ADAMTS6: variants seen among roughly 807,000 people sequenced by gnomAD.
ADAMTS6 encodes the protein A disintegrin and metalloproteinase with thrombospondin motifs 6.
A neutral mutation model predicts 144.3 loss-of-function variants in ADAMTS6; 23 were observed. The ratio of observed to expected loss-of-function variants is 0.16; its 90% confidence interval spans 0.11 to 0.23. ADAMTS6 has a LOEUF of 0.23. Ranked by LOEUF, ADAMTS6 falls within the 10% of genes least tolerant of loss-of-function variation. The pLI is 1.00. For synonymous variants in ADAMTS6, 444 were observed against 457.5 expected (o/e 0.97, Z 0.38); for missense variants, 999 against 1,379.6 (o/e 0.72, Z 4.37).
intron 9 of ADAMTS6, among the ~76,000 whole-genome samples, chr5:65,310,855 C>T (rs536703805): frequency 6.6e-6 from 1 of 152,254 alleles, no homozygotes; most frequent in South Asian, 2.1e-4. Flanking sequence ...TATGTTCAAA[C>T]TTAAAATTGT....
intron 21 of ADAMTS6, among the ~76,000 whole-genome samples, chr5:65,193,735 G>A (rs1755154899): frequency 6.6e-6 from 1 of 151,988 alleles, no homozygotes; most frequent in South Asian, 2.1e-4. Context: ...TCTTTATTTA[G>A]CATATATAAT....
intron 20 of ADAMTS6, among the ~76,000 whole-genome samples, chr5:65,202,380 T>C (rs1236776812): frequency 2.6e-5 from 4 of 152,244 alleles, no homozygotes; most frequent in Non-Finnish European, 4.4e-5. Context: ...AGAGAATTCC[T>C]ATTACTCCTT....
At chr5:65,280,186 A>G (rs1206182309) in intron 11 of ADAMTS6, among the ~76,000 whole-genome samples, 1 of 152,192 alleles carries the variant, frequency 6.6e-6, no homozygotes, top group Non-Finnish European at 1.5e-5. Context: ...TGTTCCCAGC[A>G]TCCCAATCAG....
At chr5:65,330,112 G>GT (rs1238035369) in intron 8 of ADAMTS6, among the ~76,000 whole-genome samples, 1 of 151,788 alleles carries the variant, frequency 6.6e-6, no homozygotes, top group Non-Finnish European at 1.5e-5. Flanking sequence ...ATTCAGTGTC[G>GT]TTTTTCCTCT....
chr5:65,298,630 C>G (rs1201333592), intron 10 of ADAMTS6, among the ~76,000 whole-genome samples: 2 of 152,086 alleles, frequency 1.3e-5, no homozygotes, highest in East Asian at 3.8e-4. Flanking sequence ...TCAGTTTTCA[C>G]TGTAGGCAAG....
intron 19 of ADAMTS6, among the ~76,000 whole-genome samples, 178 bp from the exon 20 acceptor site, chr5:65,215,110 GC>G (rs1182152011): frequency 6.6e-6 from 1 of 152,106 alleles, no homozygotes; most frequent in African/African-American, 2.4e-5. Context: ...TGGAGCCATT[GC>G]TTTCATCTGT....
chr5:65,246,465 A>G (rs1424114974), intron 14 of ADAMTS6, among the ~76,000 whole-genome samples: 1 of 152,148 alleles, frequency 6.6e-6, no homozygotes, highest in East Asian at 1.9e-4. Flanking sequence ...CGTGGAGTTT[A>G]CTCTAGTTGG....
Position 65,263,797 on chromosome 5 carries a change from A to G in ADAMTS6, c.1621-835T>C, listed in dbSNP as rs1054778433. 2.0e-5 allele frequency among the ~76,000 whole-genome samples: 3 copies of G among 152,230 alleles called. No homozygotes were observed. The South Asian group carries it at 6.2e-4, about 31-fold the overall frequency. On this transcript the variant is annotated intron_variant, in intron 12 of 24. Transcript: ENST00000381055. Reference sequence around the variant, plus strand: ...AGACTTTTGTTGATGCATTTTTCAAATTATCAAACTTTGACACACCAAAAT... The same window carrying G: ...AGACTTTTGTTGATGCATTTTTCAAGTTATCAAACTTTGACACACCAAAAT...
In ADAMTS6 at chr5:65,464,161, G is replaced by A. The variant is rs1385344007; in HGVS notation, c.463-3823C>T. ...CTTACATCACAGGTTCTTAAAATAC[G>A]TGTATGTGCATGTGCACATACCCTG... On this transcript the variant is annotated intron_variant, in intron 3 of 24. Transcript: ENST00000381055. Among the ~76,000 whole-genome samples the A allele has an allele frequency of 4.6e-5, 7 of 152,122 alleles. No individual in the cohort carries two copies. In the East Asian group the frequency reaches 9.6e-4, roughly 21 times the overall value.
At chr5:65,347,282 T>C (rs541096441) in intron 7 of ADAMTS6, among the ~76,000 whole-genome samples, 1 of 152,070 alleles carries the variant, frequency 6.6e-6, no homozygotes, top group East Asian at 1.9e-4. Flanking sequence ...GGAATTGAAC[T>C]ACCACATTTC....
intron 7 of ADAMTS6, among the ~76,000 whole-genome samples, chr5:65,374,804 C>G (rs1751352843): frequency 6.6e-6 from 1 of 152,194 alleles, no homozygotes; most frequent in South Asian, 2.1e-4. Context: ...ATCGCCATGT[C>G]AATCCTAAGC....
intron 9 of ADAMTS6, among the ~76,000 whole-genome samples, chr5:65,326,106 G>A (rs1746143738): frequency 6.6e-6 from 1 of 151,668 alleles, no homozygotes; most frequent in Admixed American, 6.6e-5. Context: ...CAAAAAATGA[G>A]TATTTTTAAG....
At chr5:65,375,805 T>G (rs1334590058) in intron 7 of ADAMTS6, among the ~76,000 whole-genome samples, 1 of 152,182 alleles carries the variant, frequency 6.6e-6, no homozygotes, top group Non-Finnish European at 1.5e-5. Context: ...TAAAGGCACA[T>G]GCACACGTAT....
chr5:65,390,725 A>G (rs1041630459), intron 7 of ADAMTS6, among the ~76,000 whole-genome samples: 2 of 152,158 alleles, frequency 1.3e-5, no homozygotes, highest in African/African-American at 4.8e-5. Context: ...CTTTACTACA[A>G]CCTTTCTTTT....
intron 9 of ADAMTS6, 147 bp downstream of exon 9, chr5:65,329,231 C>A: frequency 3.0e-6 from 2 of 668,636 alleles, no homozygotes; most frequent in Non-Finnish European, 2.5e-6. Context: ...GGTGATTTAT[C>A]CCAATACCCA....
chr5:65,253,812 CTTTTTTTTTTTTTTT>C (rs759508097), intron 14 of ADAMTS6, among the ~76,000 whole-genome samples: 9 of 66,956 alleles, frequency 1.3e-4, no homozygotes, highest in African/African-American at 5.2e-4. Flanking sequence ...AATATTCAAT[CTTTTTTTTTTTTTTT>C]TTTTTTTTTT....
chr5:65,164,080 C>G (rs1014226295), intron 24 of ADAMTS6, among the ~76,000 whole-genome samples: 1 of 152,130 alleles, frequency 6.6e-6, no homozygotes, highest in African/African-American at 2.4e-5. Context: ...GCGTGAGCGA[C>G]GCAGAAGACG....
intron 9 of ADAMTS6, among the ~76,000 whole-genome samples, chr5:65,318,311 A>G (rs950944308): frequency 7.9e-5 from 12 of 152,104 alleles, no homozygotes. Flanking sequence ...CACTATGAAG[A>G]ACAGTTTGGA....
intron 7 of ADAMTS6, among the ~76,000 whole-genome samples, chr5:65,407,855 A>C (rs1754687727): frequency 1.3e-5 from 2 of 152,196 alleles, no homozygotes; most frequent in Non-Finnish European, 2.9e-5. Flanking sequence ...ACATTATTAA[A>C]GAAAAGAATT....
Sources: allele counts gnomAD v4.1 joint callset (sites outside exome capture counted in the v4.1 genomes callset), GRCh38; gene constraint gnomAD v4.1.1; transcripts MANE v1.5; gene names NCBI Gene and HGNC (gene_info 2026-07-23, HGNC 2026-07-21).